Variants in RAB28 observed in about 807,000 individuals in gnomAD.
RAB28 encodes RAB28, member RAS oncogene family, also known as ras-related protein Rab-28.
In RAB28, 24 loss-of-function variants were observed where a neutral mutation model predicts 31.7. That is an observed-to-expected ratio of 0.76 (90% confidence interval 0.55 to 1.06). The LOEUF (loss-of-function observed/expected upper bound fraction) is 1.06, where lower values mean the gene tolerates loss of function less well. RAB28 is among the 50% of genes least tolerant of loss of function. The pLI is 0.00. For synonymous variants in RAB28, 100 were observed against 90.4 expected, an observed-to-expected ratio of 1.11 and a Z score of -0.60; for missense variants, 254 against 258.5, an observed-to-expected ratio of 0.98 and a Z score of 0.12.
At chr4:13,443,813 T>C (rs1322676998) in intron 4 of RAB28, among the ~76,000 whole-genome samples, 2 of 152,162 alleles carry the variant, frequency 1.3e-5, no homozygotes, top group South Asian at 2.1e-4. Context: ...TGATACTTTG[T>C]ACCCTTTGAT....
intron 4 of RAB28, among the ~76,000 whole-genome samples, chr4:13,415,486 A>G (rs115352367): frequency 0.074 from 11,272 of 152,188 alleles, 733 homozygotes; most frequent in African/African-American, 0.18. Context: ...GGCTGCACTC[A>G]GAGCGCCCGG....
At chr4:13,455,366 T>C (rs754087110) in intron 4 of RAB28, among the ~76,000 whole-genome samples, 1 of 152,216 alleles carries the variant, frequency 6.6e-6, no homozygotes, top group Non-Finnish European at 1.5e-5. Flanking sequence ...TGCCAGACTT[T>C]TCCTCTTACT....
intron 4 of RAB28, among the ~76,000 whole-genome samples, chr4:13,391,509 G>T (rs1341287704): frequency 6.6e-6 from 1 of 152,154 alleles, no homozygotes; most frequent in Non-Finnish European, 1.5e-5. Flanking sequence ...ATTCCTCAAG[G>T]ATCTAGAACT....
At chr4:13,456,166 G>A (rs73819871) in intron 4 of RAB28, among the ~76,000 whole-genome samples, 8,506 of 152,178 alleles carry the variant, frequency 0.056, 543 homozygotes, top group African/African-American at 0.16. Flanking sequence ...AAAATGTTCA[G>A]TGAAAGAATG....
At position 13,370,275 on chromosome 4, in the gene RAB28, A is replaced by G. The variant is rs1027824362; in HGVS notation, c.574-1625T>C. On this transcript the variant is annotated intron_variant, in intron 6 of 6. Transcript: ENST00000330852. ...TGTAAGTTCCATTTTTGATAACACA[A>G]TTATATATAACATATATAATGCCCA... The G allele has an allele frequency of 8.3e-6, 8 of 962,472 alleles. No homozygotes were observed. In the African/African-American group the frequency reaches 1.4e-4, roughly 17 times the overall value. 59.6% of individuals were successfully genotyped at this position (962,472 alleles called of 1,614,324 possible).
chr4:13,470,433 A>G (rs916050713), intron 3 of RAB28, among the ~76,000 whole-genome samples: 3 of 152,074 alleles, frequency 2.0e-5, no homozygotes, highest in Non-Finnish European at 4.4e-5. Flanking sequence ...GCTGTCATGT[A>G]GGCACCAAAT....
chr4:13,444,656 C>A (rs1363574265), intron 4 of RAB28, among the ~76,000 whole-genome samples: 1 of 152,206 alleles, frequency 6.6e-6, no homozygotes, highest in African/African-American at 2.4e-5. Context: ...CACATTCTTG[C>A]CAATACTTAC....
chr4:13,386,196 C>A (rs1170346442), intron 4 of RAB28, among the ~76,000 whole-genome samples: 4 of 151,858 alleles, frequency 2.6e-5, no homozygotes, highest in Non-Finnish European at 5.9e-5. Context: ...GACATAGGAA[C>A]AGGCAGATAT....
chr4:13,391,419 C>A (rs1028611557), intron 4 of RAB28, among the ~76,000 whole-genome samples: 2 of 152,018 alleles, frequency 1.3e-5, no homozygotes, highest in African/African-American at 4.8e-5. Context: ...ATGCTGGAGA[C>A]AATGTGGAGA....
intron 2 of RAB28, among the ~76,000 whole-genome samples, chr4:13,477,311 T>C (rs936206172): frequency 6.6e-6 from 1 of 151,480 alleles, no homozygotes; most frequent in African/African-American, 2.4e-5. Flanking sequence ...AGAATGTAAA[T>C]AGATGGACAG....
chr4:13,372,953 AATGAAT>A (rs1218568415), intron 6 of RAB28, among the ~76,000 whole-genome samples: 1 of 152,134 alleles, frequency 6.6e-6, no homozygotes, highest in Non-Finnish European at 1.5e-5. Context: ...TAGCAAGTTT[AATGAAT>A]ATCTCAGACA....
intron 4 of RAB28, among the ~76,000 whole-genome samples, chr4:13,424,071 G>A (rs1400470351): frequency 1.3e-5 from 2 of 152,142 alleles, no homozygotes; most frequent in Non-Finnish European, 2.9e-5. Context: ...AAATGTCAAG[G>A]AAGCTTACTA....
intron 4 of RAB28, among the ~76,000 whole-genome samples, chr4:13,387,235 C>T (rs961854184): frequency 3.3e-5 from 5 of 151,802 alleles, no homozygotes; most frequent in Non-Finnish European, 7.4e-5. Flanking sequence ...TATGTATCCA[C>T]GAACTTAAAA....
chr4:13,423,401 G>A (rs1713286816), intron 4 of RAB28, among the ~76,000 whole-genome samples: 1 of 151,522 alleles, frequency 6.6e-6, no homozygotes, highest in African/African-American at 2.4e-5. Context: ...GCTGGGCGTG[G>A]TGGCAGATAC....
Position 13,367,867 on chromosome 4 carries a change from A to G in RAB28, c.*691T>C. On this transcript the variant is annotated 3_prime_UTR_variant, in exon 7 of 7. Transcript: ENST00000330852. ...GTGGAGCATCAGCTGAACATTTATC[A>G]GAATTCAGAAAGCCTTCAAACCTGA... The G allele has an allele frequency of 4.1e-6, 4 of 985,096 alleles. No homozygotes were observed. Among genetic ancestry groups the G allele is most frequent in the Non-Finnish European group, 4.8e-6 (4 of 829,612 alleles). 61.0% of individuals were successfully genotyped at this position (985,096 alleles called of 1,614,324 possible).
intron 4 of RAB28, among the ~76,000 whole-genome samples, chr4:13,419,665 G>A (rs1347919019): frequency 6.6e-6 from 1 of 152,142 alleles, no homozygotes; most frequent in Non-Finnish European, 1.5e-5. Context: ...GGTAAATAAT[G>A]AAATGAAGGC....
chr4:13,420,333 G>A (rs1713054320), intron 4 of RAB28, among the ~76,000 whole-genome samples: 1 of 152,160 alleles, frequency 6.6e-6, no homozygotes, highest in African/African-American at 2.4e-5. Context: ...GAGGTACAAA[G>A]AGGAGCTGAT....
chr4:13,464,287 A>C (rs917542838), intron 3 of RAB28, among the ~76,000 whole-genome samples: 1 of 152,130 alleles, frequency 6.6e-6, no homozygotes, highest in Non-Finnish European at 1.5e-5. Flanking sequence ...AGAGAGGAAA[A>C]AAGTAACCAT....
chr4:13,437,305 C>G (rs1338908570), intron 4 of RAB28, among the ~76,000 whole-genome samples: 2 of 151,928 alleles, frequency 1.3e-5, no homozygotes, highest in Non-Finnish European at 2.9e-5. Flanking sequence ...TTGGCATAGG[C>G]AAAAAGTTAT....
Sources: allele counts gnomAD v4.1 joint callset (sites outside exome capture counted in the v4.1 genomes callset), GRCh38; gene constraint gnomAD v4.1.1; transcripts MANE v1.5; gene names NCBI Gene and HGNC (gene_info 2026-07-23, HGNC 2026-07-21).